Variants in SHISA9 observed in about 807,000 individuals in gnomAD.
SHISA9 encodes the protein protein shisa-9.
SHISA9 carries 13 observed loss-of-function variants against 38.0 expected under a neutral mutation model. The ratio of observed to expected loss-of-function variants is 0.34; its 90% CI spans 0.22 to 0.54. The LOEUF is 0.54. Among genes scored for constraint, SHISA9 ranks in the 20% least tolerant of loss-of-function variants. SHISA9 has a pLI of 0.91. For missense variants in SHISA9, 538 were observed against 575.8 expected (o/e 0.93, Z 0.67); for synonymous variants, 275 against 242.0 (o/e 1.14, Z -1.27).
intron 2 of SHISA9, among the ~76,000 whole-genome samples, chr16:13,142,122 C>T (rs1415164538): frequency 1.3e-5 from 2 of 152,224 alleles, no homozygotes; most frequent in Admixed American, 6.5e-5. Flanking sequence ...GCATTGAATC[C>T]ATAGCCAGTT....
chr16:13,115,575 T>C (rs1022765545), intron 2 of SHISA9, among the ~76,000 whole-genome samples: 3 of 152,222 alleles, frequency 2.0e-5, no homozygotes, highest in Non-Finnish European at 4.4e-5. Flanking sequence ...ACCTTCCAGC[T>C]TGGGCGTTAG....
At chr16:12,991,304 C>G (rs1434857694) in intron 2 of SHISA9, among the ~76,000 whole-genome samples, 1 of 152,110 alleles carries the variant, frequency 6.6e-6, no homozygotes, top group Non-Finnish European at 1.5e-5. Context: ...ATTTTTGACT[C>G]ATTATGCAAA....
At chr16:13,485,702 A>T in the SHISA9 span, among the ~76,000 whole-genome samples, 1 of 152,172 alleles carries the variant, frequency 6.6e-6, no homozygotes, top group Non-Finnish European at 1.5e-5. Context: ...AGTTATTGTT[A>T]ACTCTAATTT....
At chr16:12,916,576 G>A (rs2071259952) in intron 1 of SHISA9, 112 bp from the exon 2 acceptor site, 2 of 1,265,348 alleles carry the variant, frequency 1.6e-6, no homozygotes, top group Non-Finnish European at 2.1e-6. Context: ...TAGAATGGTG[G>A]CTCCATGGAG....
At chr16:13,490,603 C>G in the SHISA9 span, among the ~76,000 whole-genome samples, 2 of 152,084 alleles carry the variant, frequency 1.3e-5, no homozygotes, top group African/African-American at 4.8e-5. Flanking sequence ...ACCTGAAGCC[C>G]CTTTGGGTAA....
chr16:13,303,212 T>G, the SHISA9 span, among the ~76,000 whole-genome samples: 3 of 152,168 alleles, frequency 2.0e-5, no homozygotes, highest in Admixed American at 2.0e-4. Flanking sequence ...TAGGAACAAT[T>G]CTACTTCTAA....
intron 2 of SHISA9, among the ~76,000 whole-genome samples, chr16:12,943,126 G>T (rs527276064): frequency 6.6e-6 from 1 of 152,154 alleles, no homozygotes; most frequent in East Asian, 1.9e-4. Context: ...ATGATAGGTC[G>T]CATGCCCATT....
chr16:13,069,660 T>C (rs2073487863), intron 2 of SHISA9, among the ~76,000 whole-genome samples: 1 of 152,204 alleles, frequency 6.6e-6, no homozygotes, highest in Non-Finnish European at 1.5e-5. Flanking sequence ...GTGTGGTGTA[T>C]GTATGTGTGT....
the SHISA9 span, among the ~76,000 whole-genome samples, chr16:13,253,382 C>A: frequency 6.6e-6 from 1 of 152,080 alleles, no homozygotes; most frequent in Non-Finnish European, 1.5e-5. Flanking sequence ...TCCAAAGGTA[C>A]AAGGGAGATG....
In SHISA9 at chr16:12,943,742, G is replaced by A. The variant is rs1347671932; in HGVS notation, c.691+26927G>A. ...CTGACCTCCATTCTGTTCTGGGCAT[G>A]CCTGTTAGAAAACACCCTGCCTCCA... On this transcript the variant is annotated intron_variant, in intron 2 of 4. Transcript: ENST00000558583. Among the ~76,000 whole-genome samples the A allele has an allele frequency of 2.6e-5, 4 of 152,214 alleles. No individual in the cohort carries two copies. The East Asian group carries it at 7.7e-4, about 29-fold the overall frequency.
chr16:12,957,895 A>C (rs4781360), intron 2 of SHISA9, among the ~76,000 whole-genome samples: 116,932 of 152,056 alleles, frequency 0.77, 45,131 homozygotes, highest in Middle Eastern at 0.8. Flanking sequence ...GTCTTTTTCT[A>C]TTCTTGTAAA....
At chr16:13,325,293 T>C in the SHISA9 span, among the ~76,000 whole-genome samples, 1 of 152,198 alleles carries the variant, frequency 6.6e-6, no homozygotes, top group Admixed American at 6.5e-5. Context: ...CAGATTGCAA[T>C]TTGATAACAT....
At position 13,203,413 on chromosome 16, in the gene SHISA9, C is replaced by A; in HGVS notation, c.711C>A (p.Asn237Lys). 6.5e-7 allele frequency: 1 copy of A among 1,542,010 alleles called. No individual in the cohort carries two copies. Among genetic ancestry groups the A allele is most frequent in the South Asian group, 1.2e-5 (1 of 82,236 alleles). Reference protein sequence around the residue: ...INNLHATQMNNAVPTSPLLQQ... With the variant: ...INNLHATQMNKAVPTSPLLQQ... Reference sequence around the variant, plus strand: ...TTCCAGATGCCACCCAGATGAACAACGCAGTGCCCACCTCTCCTCTGCTCC... The same window carrying A: ...TTCCAGATGCCACCCAGATGAACAAAGCAGTGCCCACCTCTCCTCTGCTCC... Residue 237 changes from asparagine to lysine, a missense_variant, in exon 3 of 5, where the codon AAC (asparagine) becomes AAA (lysine). By Grantham distance (94) the Asn-to-Lys change is moderately conservative. Transcript: ENST00000558583.
At chr16:12,912,591 A>G (rs1259116424) in intron 1 of SHISA9, among the ~76,000 whole-genome samples, 1 of 152,164 alleles carries the variant, frequency 6.6e-6, no homozygotes, top group East Asian at 1.9e-4. Context: ...TACAAGTGAA[A>G]AAGGCAAGTT....
chr16:13,288,627 C>G, the SHISA9 span, among the ~76,000 whole-genome samples: 1 of 152,108 alleles, frequency 6.6e-6, no homozygotes, highest in Non-Finnish European at 1.5e-5. Context: ...AACGCTGTCT[C>G]TACTAAAAAT....
At chr16:13,384,400 G>T in the SHISA9 span, among the ~76,000 whole-genome samples, 1,439 of 152,300 alleles carry the variant, frequency 9.4e-3, 23 homozygotes, top group African/African-American at 0.033. Flanking sequence ...GGTGATCCCT[G>T]TCTTAACTTT....
At chr16:13,430,182 C>A in the SHISA9 span, among the ~76,000 whole-genome samples, 2 of 152,170 alleles carry the variant, frequency 1.3e-5, no homozygotes, top group African/African-American at 4.8e-5. Context: ...GGTGAGAAAA[C>A]AAATTTGTGT....
At chr16:13,463,507 T>G in the SHISA9 span, among the ~76,000 whole-genome samples, 3 of 152,126 alleles carry the variant, frequency 2.0e-5, no homozygotes, top group Non-Finnish European at 2.9e-5. Flanking sequence ...GTTGCAGAAA[T>G]GAAGGAATTA....
intron 2 of SHISA9, among the ~76,000 whole-genome samples, chr16:13,007,146 C>G (rs1458248735): frequency 3.9e-5 from 6 of 152,188 alleles, no homozygotes; most frequent in Non-Finnish European, 5.9e-5. Flanking sequence ...TCTCTAGGAA[C>G]TTCAACCTCC....
Sources: allele counts gnomAD v4.1 joint callset (sites outside exome capture counted in the v4.1 genomes callset), GRCh38; gene constraint gnomAD v4.1.1; transcripts MANE v1.5; gene names NCBI Gene and HGNC (gene_info 2026-07-23, HGNC 2026-07-21).